Variants in COL11A1 observed in about 807,000 individuals in gnomAD.
The protein encoded by COL11A1 is collagen alpha-1(XI) chain.
COL11A1 carries 74 observed loss-of-function variants against 265.2 expected under a neutral mutation model. The observed-to-expected ratio is 0.28, with a 90% CI of 0.23 to 0.34. The LOEUF (loss-of-function observed/expected upper bound fraction) is 0.34. Ranked by LOEUF, COL11A1 falls within the 10% of genes least tolerant of loss-of-function variation. The pLI is 1.00. For missense variants in COL11A1, 2,165 were observed against 2,263.6 expected (o/e 0.96, Z 0.88); for synonymous variants, 816 against 727.6 (o/e 1.12, Z -1.96).
At position 102,912,198 on chromosome 1, in the gene COL11A1, T is replaced by C; in HGVS notation, c.4047A>G (p.Pro1349=). The change falls in exon 54 of 67, where the codon CCA becomes CCG. Residue 1349 remains proline, a synonymous_variant. Transcript: ENST00000370096. ...GACCTGGTGGGCCAGCCTCACCAGA[T>C]GGGCCAGGAGGACCCTATAAAATGT... The part of the protein sequence containing the change: ...GDPGQPGPPG[P]SGEAGPPGPP... The C allele has an allele frequency of 6.2e-7, 1 of 1,611,548 alleles. No individual in the cohort carries two copies. Among genetic ancestry groups the C allele is most frequent in the South Asian group, 1.1e-5 (1 of 90,560 alleles).
rs748335883 is a variant in COL11A1 at position 103,022,776 on chromosome 1, C to T, written c.1211G>A (p.Gly404Asp). 5 of 1,613,518 alleles carry T rather than the reference C, an allele frequency of 3.1e-6. No homozygotes were observed. The Middle Eastern group carries it at 6.6e-4, about 212-fold the overall frequency. ...TGTAATATCAGTTTCTGCTGGTACA[C>T]CTGGACCAAATTCTTCATTAGGGGG... ...TSPPNEEFGP[G>D]VPAETDITET... Residue 404 changes from glycine (G) to aspartate (D), a missense_variant, in exon 8 of 67, where the codon GGT becomes GAT. Gly to Asp is a moderately conservative substitution (Grantham distance 94, BLOSUM62 -1). Transcript: ENST00000370096.
intron 7 of COL11A1, among the ~76,000 whole-genome samples, chr1:103,025,218 C>T (rs1385053546): frequency 6.6e-6 from 1 of 152,074 alleles, no homozygotes; most frequent in Non-Finnish European, 1.5e-5. Flanking sequence ...TACCCTTAGT[C>T]ACAACATGTT....
chr1:103,031,338 A>C (rs1667984505), intron 4 of COL11A1, 94 bp from the exon 5 acceptor site: 1 of 1,449,214 alleles, frequency 6.9e-7, no homozygotes, highest in Non-Finnish European at 9.3e-7. Context: ...TTTATTTTTA[A>C]ATATTTGAAG....
Position 102,877,821 on chromosome 1 carries a change from A to T in COL11A1, c.*198T>A. Reference sequence around the variant, plus strand: ...GCCCTGTTTCCATCTTAGCCACACCAACTTATATCTTTATGATTTTCAAAG... The same window carrying T: ...GCCCTGTTTCCATCTTAGCCACACCTACTTATATCTTTATGATTTTCAAAG... On this transcript the variant is annotated 3_prime_UTR_variant, in exon 67 of 67. Coordinates refer to ENST00000370096, the MANE Select transcript of COL11A1 (RefSeq NM_001854.4). 1.9e-6 allele frequency: 1 copy of T among 537,398 alleles called. No homozygotes were observed. The allele number at this position is 537,398 out of a possible 1,614,324, so 33.3% of individuals were successfully genotyped here.
intron 4 of COL11A1, among the ~76,000 whole-genome samples, chr1:103,039,442 A>G (rs374823608): frequency 6.6e-6 from 1 of 152,102 alleles, no homozygotes; most frequent in South Asian, 2.1e-4. Context: ...TAAGAAGGTA[A>G]TTAAGGTTAA....
chr1:103,025,997 A>G (rs1335244413), intron 6 of COL11A1: 2 of 1,579,162 alleles, frequency 1.3e-6, no homozygotes, highest in Non-Finnish European at 1.7e-6. Flanking sequence ...TAAATAAACG[A>G]GGAGGGAAAT....
chr1:103,074,592 C>T (rs762153488), intron 4 of COL11A1, 26 bp downstream of exon 4: 4 of 1,611,196 alleles, frequency 2.5e-6, no homozygotes, highest in Non-Finnish European at 3.4e-6. Flanking sequence ...TGTCAATATT[C>T]AGCTTAGAGT....
chr1:102,879,073 C>G (rs985984256), intron 66 of COL11A1, among the ~76,000 whole-genome samples: 15 of 152,164 alleles, frequency 9.9e-5, no homozygotes, highest in Non-Finnish European at 1.8e-4. Flanking sequence ...AAAACATGAA[C>G]TTACTTATTT....
At chr1:102,881,947 C>G (rs1468881613) in intron 64 of COL11A1, among the ~76,000 whole-genome samples, 182 bp from the exon 65 acceptor site, 1 of 151,970 alleles carries the variant, frequency 6.6e-6, no homozygotes, top group African/African-American at 2.4e-5. Context: ...GAGATAGATC[C>G]TGTACATTCT....
At chr1:102,987,597 G>T (rs1663702429) in intron 30 of COL11A1, 36 bp downstream of exon 30, 5 of 1,449,098 alleles carry the variant, frequency 3.5e-6, no homozygotes, top group Non-Finnish European at 3.9e-6. Context: ...AACATCAGCT[G>T]CAAGAGTACC....
At chr1:103,056,322 A>G (rs528049050) in intron 4 of COL11A1, among the ~76,000 whole-genome samples, 2 of 152,302 alleles carry the variant, frequency 1.3e-5, no homozygotes, top group African/African-American at 4.8e-5. Context: ...ACAGACCCAA[A>G]CCAATTGAGG....
intron 5 of COL11A1, among the ~76,000 whole-genome samples, chr1:103,027,236 T>G (rs1466714562): frequency 6.6e-6 from 1 of 150,784 alleles, no homozygotes; most frequent in Non-Finnish European, 1.5e-5. Flanking sequence ...CAAAATAGTG[T>G]GCTCAAATCC....
chr1:102,962,529 A>G (rs1444021716), intron 39 of COL11A1, 124 bp downstream of exon 39: 1 of 898,056 alleles, frequency 1.1e-6, no homozygotes, highest in Non-Finnish European at 1.8e-6. Context: ...ATAAACGCAC[A>G]TTAAATATTT....
chr1:103,048,982 G>C (rs566280407), intron 4 of COL11A1, among the ~76,000 whole-genome samples: 28 of 152,246 alleles, frequency 1.8e-4, no homozygotes, highest in Non-Finnish European at 3.7e-4. Flanking sequence ...TATAATTTCT[G>C]TTCTTTTACA....
intron 46 of COL11A1, among the ~76,000 whole-genome samples, chr1:102,929,229 A>G: frequency 6.8e-6 from 1 of 146,682 alleles, no homozygotes; most frequent in Non-Finnish European, 1.5e-5. Flanking sequence ...TTTTAGGTCT[A>G]ACGTTTAAGT....
At chr1:102,906,437 T>A (rs1242552680) in intron 54 of COL11A1, among the ~76,000 whole-genome samples, 5 of 152,164 alleles carry the variant, frequency 3.3e-5, no homozygotes, top group Non-Finnish European at 5.9e-5. Flanking sequence ...AGAGAGGGTC[T>A]CCCTCTGTTG....
chr1:102,924,722 A>C (rs1441820635), intron 46 of COL11A1, among the ~76,000 whole-genome samples: 1 of 152,204 alleles, frequency 6.6e-6, no homozygotes, highest in Non-Finnish European at 1.5e-5. Context: ...CAAAAGTTTA[A>C]TCTTAGAAAA....
At chr1:102,918,061 T>A (rs115730567) in intron 49 of COL11A1, among the ~76,000 whole-genome samples, 1 of 151,456 alleles carries the variant, frequency 6.6e-6, no homozygotes, top group African/African-American at 2.4e-5. Context: ...AGACTAATGT[T>A]ATATAAATTA....
At chr1:103,024,514 AT>A (rs991428036) in intron 7 of COL11A1, among the ~76,000 whole-genome samples, 4 of 152,006 alleles carry the variant, frequency 2.6e-5, no homozygotes, top group East Asian at 1.9e-4. Context: ...AATAACCGTA[AT>A]TTTTTTTGTA....
Sources: gnomAD v4.1 joint callset for allele counts (sites outside exome capture counted in the v4.1 genomes callset) on GRCh38, gnomAD v4.1.1 for gene constraint, MANE v1.5 for transcripts, NCBI Gene and HGNC (gene_info 2026-07-23, HGNC 2026-07-21) for gene names.